TMEM169: variants seen among roughly 807,000 people sequenced by gnomAD.
The protein encoded by TMEM169 is transmembrane protein 169.
In TMEM169, 18 loss-of-function variants were observed where a neutral mutation model predicts 27.3. The ratio of observed to expected loss-of-function variants is 0.66; its 90% CI spans 0.46 to 0.98. The LOEUF (loss-of-function observed/expected upper bound fraction) is 0.98, where lower values mean the gene tolerates loss of function less well. TMEM169 is among the 50% of genes least tolerant of loss of function. TMEM169 has a pLI of 0.00. For missense variants in TMEM169, 320 were observed against 368.6 expected (o/e 0.87, Z 1.08); for synonymous variants, 136 against 142.1 (o/e 0.96, Z 0.30).
chr2:216,099,068 GTA>G lies in TMEM169; in HGVS notation c.272-850_272-849del, dbSNP rs1011442537. ...TGTGTATGTGTGGTGTGTGTGATGT[GTA>G]TGTGTGTGTGTGGTGTGTTATGTGT... On this transcript the variant is annotated intron_variant, in intron 2 of 2. Transcript: ENST00000437356. This position sits in a 1 kb window ranked among gnomAD's most constrained non-coding sequence, Gnocchi z 5.0. 1.4e-4 allele frequency among the ~76,000 whole-genome samples: 21 copies of G among 150,594 alleles called. No homozygotes were observed. The highest frequency in any genetic ancestry group is 4.2e-4 in the African/African-American group (17 of 40,910).
At chr2:216,098,995 T>C (rs1696325093) in intron 2 of TMEM169, among the ~76,000 whole-genome samples, 1 of 144,144 alleles carries the variant, frequency 6.9e-6, no homozygotes, top group Admixed American at 7.3e-5. Context: ...ATGTGTAGTG[T>C]ATATATGTGG....
chr2:216,091,237 G>A (rs920040170), intron 1 of TMEM169, among the ~76,000 whole-genome samples: 1 of 152,206 alleles, frequency 6.6e-6, no homozygotes, highest in Admixed American at 6.5e-5. Context: ...TGTCATGACG[G>A]TGGAGTCCTC....
chr2:216,096,109 C>A lies in TMEM169; in HGVS notation c.146C>A (p.Pro49Gln). ...HRKKKRKESRPESIIIYRSDN... is the reference protein window; with the variant it reads ...HRKKKRKESRQESIIIYRSDN... ...AAAAAGAAGAGGAAAGAGTCACGCCCAGAATCCATCATCATCTACCGCTCA... is the reference window on the plus strand; with the variant it reads ...AAAAAGAAGAGGAAAGAGTCACGCCAAGAATCCATCATCATCTACCGCTCA... Residue 49 changes from proline (P) to glutamine (Q), a missense_variant, in exon 2 of 3, where the codon CCA (proline) becomes CAA (glutamine). Pro to Gln is a moderately conservative substitution (Grantham distance 76, BLOSUM62 -1). Coordinates refer to ENST00000437356, the MANE Select transcript of TMEM169 (RefSeq NM_001142311.2). The A allele has an allele frequency of 1.2e-6, 2 of 1,614,140 alleles. No individual in the cohort carries two copies. Among genetic ancestry groups the A allele is most frequent in the Non-Finnish European group, 1.7e-6 (2 of 1,180,028 alleles).
At position 216,100,293 on chromosome 2, in the gene TMEM169, A is replaced by G. The variant is rs1696363660; in HGVS notation, c.645A>G (p.Pro215=). Residue 215 remains proline, a synonymous_variant, in exon 3 of 3, where the codon CCA becomes CCG. Coordinates refer to ENST00000437356, the MANE Select transcript of TMEM169 (RefSeq NM_001142311.2). ...SYCPCLVLFY[P]VLIMAMASSL... is the part of the protein sequence containing the mutation. Reference sequence around the variant, plus strand: ...GCCCTTGCCTCGTTCTCTTCTATCCAGTGCTCATCATGGCCATGGCTTCTT... The same window carrying G: ...GCCCTTGCCTCGTTCTCTTCTATCCGGTGCTCATCATGGCCATGGCTTCTT... 1.2e-6 allele frequency: 2 copies of G among 1,613,614 alleles called. No individual in the cohort carries two copies. Among genetic ancestry groups the G allele is most frequent in the Admixed American group, 3.3e-5 (2 of 59,944 alleles).
At chr2:216,093,811 T>A (rs1183636629) in intron 1 of TMEM169, among the ~76,000 whole-genome samples, 2 of 150,322 alleles carry the variant, frequency 1.3e-5, no homozygotes, top group African/African-American at 4.9e-5. Context: ...GAAAAAAAAA[T>A]ATGTATTCTG....
rs1268663062 is a variant in TMEM169, at chr2:216,102,208, A to T, written c.*1666A>T. 1 of 152,178 alleles carries T rather than the reference A, an allele frequency of 6.6e-6. No individual in the cohort carries two copies. Among genetic ancestry groups the T allele is most frequent in the African/African-American group, 2.4e-5 (1 of 41,430 alleles). The allele number at this position is 152,178 out of a possible 1,614,324, so 9.4% of individuals were successfully genotyped here. Reference sequence around the variant, plus strand: ...GTAGCCCTAAGTACAAAGAAGCCAGATTTAGCCTTCTGTTGTTTGGCAAAA... The same window carrying T: ...GTAGCCCTAAGTACAAAGAAGCCAGTTTTAGCCTTCTGTTGTTTGGCAAAA... On this transcript the variant is annotated 3_prime_UTR_variant, in exon 3 of 3. Coordinates refer to ENST00000437356, the MANE Select transcript of TMEM169 (RefSeq NM_001142311.2).
intron 1 of TMEM169, among the ~76,000 whole-genome samples, chr2:216,087,442 A>G (rs1458632683): frequency 6.6e-6 from 1 of 152,202 alleles, no homozygotes; most frequent in East Asian, 1.9e-4. Context: ...ACAAATTAAC[A>G]AAAAGATTTC....
rs780350778 is a variant in TMEM169 at position 216,100,063 on chromosome 2, T to C, written c.415T>C (p.Ser139Pro). 5 of 1,613,972 alleles carry C rather than the reference T, an allele frequency of 3.1e-6. No individual in the cohort carries two copies. Among genetic ancestry groups the C allele is most frequent in the Non-Finnish European group, 4.2e-6 (5 of 1,180,012 alleles). Residue 139 changes from serine to proline, a missense_variant, in exon 3 of 3, where the codon TCA becomes CCA. By Grantham distance (74) the Ser-to-Pro change is moderately conservative (BLOSUM62 -1). Coordinates refer to ENST00000437356, the MANE Select transcript of TMEM169 (RefSeq NM_001142311.2). Reference sequence around the variant, plus strand: ...GGAACTGACCAAACCTAAAGAGTCATCAAGGGAAACGACGCCTGAAGGAAG... The same window carrying C: ...GGAACTGACCAAACCTAAAGAGTCACCAAGGGAAACGACGCCTGAAGGAAG... ...LQELTKPKESSRETTPEGRMA... is the reference protein window; with the variant it reads ...LQELTKPKESPRETTPEGRMA...
intron 1 of TMEM169, among the ~76,000 whole-genome samples, chr2:216,086,604 G>A (rs142043943): frequency 4.7e-4 from 72 of 152,304 alleles, no homozygotes; most frequent in African/African-American, 1.7e-3. Context: ...AGAGAATCAA[G>A]CCTTTCTTTC....
At chr2:216,088,180 C>A (rs1696050468) in intron 1 of TMEM169, among the ~76,000 whole-genome samples, 1 of 147,378 alleles carries the variant, frequency 6.8e-6, no homozygotes, top group African/African-American at 2.5e-5. Flanking sequence ...AACAAACAGG[C>A]CGGGTGCAGT....
Position 216,101,325 on chromosome 2 carries a change from T to C in TMEM169, c.*783T>C, listed in dbSNP as rs149815287. The C allele has an allele frequency of 2.0e-5, 3 of 152,520 alleles. No individual in the cohort carries two copies. The highest frequency in any genetic ancestry group is 6.5e-5 in the Admixed American group (1 of 15,312). 9.4% of individuals were successfully genotyped at this position (152,520 alleles called of 1,614,324 possible). On this transcript the variant is annotated 3_prime_UTR_variant, in exon 3 of 3. Transcript: ENST00000437356. ...CAGAAGTCCCACTCGATTCTTCTTA[T>C]ATCTCATTGGCAAGACCTCAGTCAC...
Position 216,100,620 on chromosome 2 carries a change from A to T in TMEM169, c.*78A>T. ...AAAATTCCAGCAGATTATTTCTTTA[A>T]ATTACCCCCTACTCTCCGCAGTTCT... On this transcript the variant is annotated 3_prime_UTR_variant, in exon 3 of 3. Transcript: ENST00000437356. 6.3e-7 allele frequency: 1 copy of T among 1,578,522 alleles called. No homozygotes were observed. Among genetic ancestry groups the T allele is most frequent in the Non-Finnish European group, 8.6e-7 (1 of 1,157,312 alleles).
At chr2:216,084,923 C>T (rs1240039679) in intron 1 of TMEM169, among the ~76,000 whole-genome samples, 1 of 152,106 alleles carries the variant, frequency 6.6e-6, no homozygotes, top group Admixed American at 6.5e-5. Flanking sequence ...ACATGGACTT[C>T]CACATGTATA....
chr2:216,097,152 T>C (rs929878343), intron 2 of TMEM169, among the ~76,000 whole-genome samples: 1 of 152,216 alleles, frequency 6.6e-6, no homozygotes, highest in Non-Finnish European at 1.5e-5. Flanking sequence ...ATCTACTCCA[T>C]GAAACTTATG....
At position 216,099,792 on chromosome 2, in the gene TMEM169, A is replaced by T; in HGVS notation, c.272-128A>T. On this transcript the variant is annotated intron_variant, in intron 2 of 2. Transcript: ENST00000437356. The surrounding 1 kb of genome is among the most constrained non-coding windows in gnomAD (Gnocchi z 5.0). ...CACTCAGTCCGCCATTGAATCACTGACTCAGGACTGTGCCAGATGGTGTAA... is the reference window on the plus strand; with the variant it reads ...CACTCAGTCCGCCATTGAATCACTGTCTCAGGACTGTGCCAGATGGTGTAA... The T allele has an allele frequency of 7.8e-7, 1 of 1,285,998 alleles. No homozygotes were observed. Among genetic ancestry groups the T allele is most frequent in the African/African-American group, 1.5e-5 (1 of 67,058 alleles). The allele number at this position is 1,285,998 out of a possible 1,614,324, so 79.7% of individuals were successfully genotyped here.
At chr2:216,090,091 G>A (rs1696091412) in intron 1 of TMEM169, among the ~76,000 whole-genome samples, 1 of 152,208 alleles carries the variant, frequency 6.6e-6, no homozygotes, top group Admixed American at 6.5e-5. Context: ...AAGATTGCAG[G>A]ATGAACTGGA....
At chr2:216,096,264 C>A in intron 2 of TMEM169, 30 bp downstream of exon 2, 1 of 1,593,494 alleles carries the variant, frequency 6.3e-7, no homozygotes, top group Non-Finnish European at 8.6e-7. Flanking sequence ...TTGTTTAAAG[C>A]CATGGGAAGG....
chr2:216,085,644 G>T (rs1476637289), intron 1 of TMEM169, among the ~76,000 whole-genome samples: 1 of 152,152 alleles, frequency 6.6e-6, no homozygotes, highest in East Asian at 1.9e-4. Flanking sequence ...GCCAAGGCGG[G>T]CGGATCACCT....
rs116604523 is a variant in TMEM169, at chr2:216,100,789, T to G, written c.*247T>G. ...CCCTGCCCTAAAATCACCATTTATT[T>G]AGGACAATGGAACTCTGCTGTGTGT... is the stretch of plus-strand genomic sequence containing the variant. On this transcript the variant is annotated 3_prime_UTR_variant, in exon 3 of 3. Transcript: ENST00000437356. 38 of 541,906 alleles carry G rather than the reference T, an allele frequency of 7.0e-5. No homozygotes were observed. The African/African-American group carries it at 7.2e-4, about 10-fold the overall frequency. 33.6% of individuals were successfully genotyped at this position (541,906 alleles called of 1,614,324 possible).
Sources: gnomAD v4.1 joint callset for allele counts (sites outside exome capture counted in the v4.1 genomes callset) on GRCh38, gnomAD v4.1.1 for gene constraint, Gnocchi (gnomAD v3.1) non-coding constraint, MANE v1.5 for transcripts, NCBI Gene and HGNC (gene_info 2026-07-23, HGNC 2026-07-21) for gene names.